LHFPL2: variants seen among roughly 807,000 people sequenced by gnomAD.
LHFPL2 encodes LHFPL tetraspan subfamily member 2 protein.
LHFPL2 carries 7 observed loss-of-function variants against 17.5 expected under a neutral mutation model. The ratio of observed to expected loss-of-function variants is 0.40; its 90% CI spans 0.23 to 0.75. The LOEUF (loss-of-function observed/expected upper bound fraction) is 0.75, where lower values mean the gene tolerates loss of function less well. Among genes scored for constraint, LHFPL2 ranks in the 30% least tolerant of loss-of-function variants. The pLI, the probability that LHFPL2 is intolerant of heterozygous loss-of-function variation, is 0.37. For missense variants in LHFPL2, 241 were observed against 294.8 expected, an observed-to-expected ratio of 0.82 and a Z score of 1.34; for synonymous variants, 134 against 116.2, an observed-to-expected ratio of 1.15 and a Z score of -0.99.
chr5:78,576,050 C>T (rs940893666), intron 2 of LHFPL2, among the ~76,000 whole-genome samples: 1 of 152,212 alleles, frequency 6.6e-6, no homozygotes, highest in Non-Finnish European at 1.5e-5. Context: ...AATCCCAGCA[C>T]TTTGGGAGGC....
intron 4 of LHFPL2, among the ~76,000 whole-genome samples, chr5:78,491,659 C>T (rs55716079): frequency 0.56 from 85,751 of 152,002 alleles, 25,417 homozygotes; most frequent in East Asian, 0.85. Flanking sequence ...ATCCAGGCTC[C>T]GCCCTGTATG....
chr5:78,620,785 G>A (rs987188061), intron 2 of LHFPL2, among the ~76,000 whole-genome samples: 1 of 152,182 alleles, frequency 6.6e-6, no homozygotes, highest in Non-Finnish European at 1.5e-5. Flanking sequence ...TGGGGCGCCC[G>A]CTCTAATGGA....
At chr5:78,562,567 G>A (rs374325802) in intron 3 of LHFPL2, among the ~76,000 whole-genome samples, 8 of 151,776 alleles carry the variant, frequency 5.3e-5, no homozygotes, top group African/African-American at 1.2e-4. Context: ...CTGGGGAGGC[G>A]GAGGCTGCAG....
At chr5:78,598,730 T>G (rs959116520) in intron 2 of LHFPL2, among the ~76,000 whole-genome samples, 7 of 152,196 alleles carry the variant, frequency 4.6e-5, no homozygotes, top group Admixed American at 4.6e-4. Flanking sequence ...CATGTTTCCT[T>G]CTGATAGAGA....
intron 2 of LHFPL2, among the ~76,000 whole-genome samples, chr5:78,627,011 G>A (rs1282534452): frequency 6.6e-6 from 1 of 152,060 alleles, no homozygotes; most frequent in African/African-American, 2.4e-5. Context: ...AACCCGGGAG[G>A]CAGAGGTTGC....
chr5:78,497,978 G>A lies in LHFPL2; in HGVS notation c.431-8825C>T, dbSNP rs993075868. On this transcript the variant is annotated intron_variant, in intron 4 of 4. Coordinates refer to ENST00000380345, the MANE Select transcript of LHFPL2 (RefSeq NM_005779.3). ...GCAGCAAGGACAGCTGCCAAGACAGGCCGCGGCTGACCTGTGAGAGCTGGC... is the reference window on the plus strand; with the variant it reads ...GCAGCAAGGACAGCTGCCAAGACAGACCGCGGCTGACCTGTGAGAGCTGGC... Among the ~76,000 whole-genome samples, 6 of 152,350 alleles carry A rather than the reference G, an allele frequency of 3.9e-5. No homozygotes were observed. In the South Asian group the frequency reaches 1.2e-3, roughly 32 times the overall value.
chr5:78,539,419 T>C (rs1228235782), intron 3 of LHFPL2, among the ~76,000 whole-genome samples: 1 of 152,204 alleles, frequency 6.6e-6, no homozygotes, highest in African/African-American at 2.4e-5. Context: ...TGTTTCCTTA[T>C]CTGTGAAGTC....
intron 3 of LHFPL2, among the ~76,000 whole-genome samples, chr5:78,532,564 C>T (rs1755818152): frequency 6.6e-6 from 1 of 152,078 alleles, no homozygotes; most frequent in South Asian, 2.1e-4. Flanking sequence ...TCTTCTGTTA[C>T]CTGGAAACAA....
At chr5:78,562,626 T>G (rs1756758511) in intron 3 of LHFPL2, among the ~76,000 whole-genome samples, 1 of 142,932 alleles carries the variant, frequency 7.0e-6, no homozygotes, top group African/African-American at 2.6e-5. Flanking sequence ...CAGAGTGAGA[T>G]TCCACCTCAA....
chr5:78,647,444 G>C (rs953293604), intron 1 of LHFPL2, among the ~76,000 whole-genome samples: 8 of 152,174 alleles, frequency 5.3e-5, no homozygotes, highest in Non-Finnish European at 4.4e-5. Context: ...TTACCTCTCT[G>C]GGGTGAGCCT....
chr5:78,647,562 CACCGATGGTA>C (rs1745929106), intron 1 of LHFPL2, among the ~76,000 whole-genome samples: 1 of 152,122 alleles, frequency 6.6e-6, no homozygotes, highest in African/African-American at 2.4e-5. Flanking sequence ...GTAGGTCACC[CACCGATGGTA>C]ACCTACATGC....
At chr5:78,582,628 T>G (rs1226007595) in intron 2 of LHFPL2, among the ~76,000 whole-genome samples, 1 of 152,154 alleles carries the variant, frequency 6.6e-6, no homozygotes, top group Admixed American at 6.5e-5. Flanking sequence ...AGTTCTAGTT[T>G]GATTGCACTG....
chr5:78,562,486 T>A (rs569551818), intron 3 of LHFPL2, among the ~76,000 whole-genome samples: 1 of 152,160 alleles, frequency 6.6e-6, no homozygotes, highest in East Asian at 1.9e-4. Context: ...AATACAAAAA[T>A]TAGCTGGGCA....
At chr5:78,627,236 C>G (rs759416286) in intron 2 of LHFPL2, among the ~76,000 whole-genome samples, 1 of 152,152 alleles carries the variant, frequency 6.6e-6, no homozygotes, top group African/African-American at 2.4e-5. Flanking sequence ...AGACTCCTGA[C>G]GAGGCAGTGG....
At chr5:78,544,762 C>T (rs1756219527) in intron 3 of LHFPL2, among the ~76,000 whole-genome samples, 2 of 151,670 alleles carry the variant, frequency 1.3e-5, no homozygotes, top group Admixed American at 1.3e-4. Context: ...TACACACACA[C>T]ACACACACGT....
chr5:78,646,234 A>T (rs888469516), intron 1 of LHFPL2, among the ~76,000 whole-genome samples: 6 of 152,192 alleles, frequency 3.9e-5, no homozygotes, highest in African/African-American at 1.4e-4. Flanking sequence ...TGCAGCTTGC[A>T]AGTTCCAGAA....
intron 2 of LHFPL2, among the ~76,000 whole-genome samples, chr5:78,605,145 G>A (rs114448478): frequency 6.6e-6 from 1 of 152,194 alleles, no homozygotes; most frequent in East Asian, 1.9e-4. Context: ...ACTGGGCTTC[G>A]AAAGCCAAGT....
chr5:78,610,158 C>T (rs1263409616), intron 2 of LHFPL2, among the ~76,000 whole-genome samples: 5 of 152,158 alleles, frequency 3.3e-5, no homozygotes, highest in African/African-American at 4.8e-5. Flanking sequence ...GACCACCAGC[C>T]TCCCAGTCAG....
chr5:78,536,814 G>A lies in LHFPL2; in HGVS notation c.-185-26416C>T, dbSNP rs184950480. ...ATATAAGTGCCACCACCACCATGCA[G>A]CAAAAACGTTATAGGATGACAATAT... On this transcript the variant is annotated intron_variant, in intron 3 of 4. Transcript: ENST00000380345. 1.2e-4 allele frequency among the ~76,000 whole-genome samples: 19 copies of A among 152,288 alleles called. No individual in the cohort carries two copies. The East Asian group carries it at 3.3e-3, about 26-fold the overall frequency.
Sources: gnomAD v4.1 joint callset for allele counts (sites outside exome capture counted in the v4.1 genomes callset) on GRCh38, gnomAD v4.1.1 for gene constraint, MANE v1.5 for transcripts, NCBI Gene and HGNC (gene_info 2026-07-23, HGNC 2026-07-21) for gene names.